Variants in PSTPIP2 observed in about 807,000 individuals in gnomAD.
PSTPIP2 encodes the protein proline-serine-threonine phosphatase-interacting protein 2.
A neutral mutation model predicts 63.3 loss-of-function variants in PSTPIP2; 33 were observed. The observed-to-expected ratio is 0.52, with a 90% CI of 0.40 to 0.70. The LOEUF (loss-of-function observed/expected upper bound fraction) is 0.70, where lower values mean the gene tolerates loss of function less well. PSTPIP2 is among the 30% of genes least tolerant of loss of function. PSTPIP2 has a pLI of 0.00. For missense variants in PSTPIP2, 312 were observed against 400.7 expected (o/e 0.78, Z 1.89); for synonymous variants, 125 against 132.7 (o/e 0.94, Z 0.40).
intron 2 of PSTPIP2, among the ~76,000 whole-genome samples, chr18:46,031,386 G>A (rs1907782505): frequency 6.6e-6 from 1 of 152,116 alleles, no homozygotes; most frequent in African/African-American, 2.4e-5. Context: ...TCTGGTCTTA[G>A]ACAGTACTCA....
chr18:46,020,578 G>A (rs569754900), intron 3 of PSTPIP2, among the ~76,000 whole-genome samples: 84 of 152,190 alleles, frequency 5.5e-4, no homozygotes, highest in African/African-American at 1.8e-3. Context: ...CTTGAACCCC[G>A]GAGGCAGAGG....
At chr18:46,041,214 A>G (rs554544339) in intron 1 of PSTPIP2, among the ~76,000 whole-genome samples, 2 of 152,248 alleles carry the variant, frequency 1.3e-5, no homozygotes, top group South Asian at 2.1e-4. Context: ...ACTGGCCCCA[A>G]TTAGGGGAGA....
At chr18:46,008,702 C>T (rs764461939) in intron 5 of PSTPIP2, among the ~76,000 whole-genome samples, 1 of 152,168 alleles carries the variant, frequency 6.6e-6, no homozygotes, top group Non-Finnish European at 1.5e-5. Flanking sequence ...ACGAAACTCT[C>T]CCATGACCAT....
intron 2 of PSTPIP2, among the ~76,000 whole-genome samples, chr18:46,035,001 G>A (rs554374129): frequency 4.6e-5 from 7 of 152,088 alleles, no homozygotes; most frequent in South Asian, 2.1e-4. Context: ...ATAATATTTC[G>A]CCACATCTGG....
rs35558747 is a variant in PSTPIP2, at chr18:46,067,027, C to CA, written c.33+5128dup. 3.1e-3 allele frequency among the ~76,000 whole-genome samples: 407 copies of CA among 130,064 alleles called. 3 individuals carry two copies. Among genetic ancestry groups the CA allele is most frequent in the East Asian group, 0.013 (54 of 4,022 alleles). The allele number at this position is 130,064 out of a possible 152,430, so 85.3% of individuals were successfully genotyped here. On this transcript the variant is annotated intron_variant, in intron 1 of 14. Transcript: ENST00000409746. Reference sequence around the variant, plus strand: ...GGGCAACAAAAGTGAAACTCCATCTCAAAAAAAAAAAAAAAAAGAGGTTTT... The same window carrying CA: ...GGGCAACAAAAGTGAAACTCCATCTCAAAAAAAAAAAAAAAAAAGAGGTTTT...
chr18:46,002,427 C>T (rs901532226), intron 6 of PSTPIP2, among the ~76,000 whole-genome samples: 3 of 151,980 alleles, frequency 2.0e-5, no homozygotes, highest in African/African-American at 7.2e-5. Context: ...TTTTTTTCAG[C>T]TTATTTTCTC....
intron 4 of PSTPIP2, among the ~76,000 whole-genome samples, chr18:46,012,531 T>C (rs1337723417): frequency 6.6e-6 from 1 of 152,242 alleles, no homozygotes; most frequent in East Asian, 1.9e-4. Flanking sequence ...TCCCAGCACT[T>C]TGGGAGGCTG....
intron 1 of PSTPIP2, among the ~76,000 whole-genome samples, chr18:46,064,039 T>C (rs966618823): frequency 6.6e-6 from 1 of 152,174 alleles, no homozygotes; most frequent in Non-Finnish European, 1.5e-5. Flanking sequence ...CAGGCACCAC[T>C]GGAGTAAGCA....
At chr18:46,003,271 A>C (rs1175593959) in intron 6 of PSTPIP2, among the ~76,000 whole-genome samples, 3 of 152,198 alleles carry the variant, frequency 2.0e-5, no homozygotes, top group Non-Finnish European at 4.4e-5. Flanking sequence ...GGTTCCCCAC[A>C]TAGCTCCCAA....
At chr18:46,047,080 T>C (rs1908408194) in intron 1 of PSTPIP2, among the ~76,000 whole-genome samples, 1 of 152,220 alleles carries the variant, frequency 6.6e-6, no homozygotes, top group Non-Finnish European at 1.5e-5. Flanking sequence ...ATTTTAATTC[T>C]CAACTAACAA....
At chr18:46,062,039 T>C (rs373178862) in intron 1 of PSTPIP2, among the ~76,000 whole-genome samples, 3 of 152,160 alleles carry the variant, frequency 2.0e-5, no homozygotes, top group East Asian at 1.9e-4. Context: ...GGACACACCA[T>C]GGAGACTGCT....
chr18:46,066,438 C>A (rs887157897), intron 1 of PSTPIP2, among the ~76,000 whole-genome samples: 2 of 152,198 alleles, frequency 1.3e-5, no homozygotes, highest in Admixed American at 6.5e-5. Context: ...GTGTCTGTCT[C>A]TCTGTGAGCC....
chr18:46,032,282 A>C (rs1485037409), intron 2 of PSTPIP2, among the ~76,000 whole-genome samples: 1 of 152,344 alleles, frequency 6.6e-6, no homozygotes, highest in Admixed American at 6.5e-5. Flanking sequence ...CTACCATGTA[A>C]CAAGGGCCAG....
intron 1 of PSTPIP2, among the ~76,000 whole-genome samples, chr18:46,057,946 G>C (rs548245337): frequency 2.7e-5 from 4 of 150,130 alleles, no homozygotes; most frequent in Admixed American, 1.3e-4. Context: ...TGCAGTGAGC[G>C]GAGATCGCAC....
intron 1 of PSTPIP2, among the ~76,000 whole-genome samples, chr18:46,068,460 G>T (rs1197190538): frequency 1.3e-5 from 2 of 152,036 alleles, no homozygotes; most frequent in Non-Finnish European, 2.9e-5. Context: ...ACCATGCCCG[G>T]GTAATTTTTT....
chr18:46,025,074 G>T (rs1007772896), intron 2 of PSTPIP2, among the ~76,000 whole-genome samples: 1 of 152,084 alleles, frequency 6.6e-6, no homozygotes, highest in South Asian at 2.1e-4. Flanking sequence ...AAAGGAAGGG[G>T]GATTTCAGGA....
At chr18:46,066,358 C>G (rs542775044) in intron 1 of PSTPIP2, among the ~76,000 whole-genome samples, 59 of 152,192 alleles carry the variant, frequency 3.9e-4, no homozygotes, top group Non-Finnish European at 6.6e-4. Flanking sequence ...ATTAAAACTA[C>G]TGTTTTAAAA....
At chr18:45,988,372 T>C (rs535476294) in intron 14 of PSTPIP2, among the ~76,000 whole-genome samples, 1 of 146,542 alleles carries the variant, frequency 6.8e-6, no homozygotes, top group East Asian at 2.1e-4. Context: ...GATGTGGAGA[T>C]TGCAGTGAGC....
intron 2 of PSTPIP2, chr18:46,028,301 G>T (rs1760096566): frequency 2.2e-6 from 1 of 460,682 alleles, no homozygotes; most frequent in African/African-American, 2.0e-5. Flanking sequence ...CGTTAGCCCG[G>T]AACGAGGGCG....
Sources: allele counts gnomAD v4.1 joint callset (sites outside exome capture counted in the v4.1 genomes callset), GRCh38; gene constraint gnomAD v4.1.1; transcripts MANE v1.5; gene names NCBI Gene and HGNC (gene_info 2026-07-23, HGNC 2026-07-21).